The following VAMP4 variants were observed in gnomAD, a reference collection of about 807,000 sequenced individuals.
VAMP4 encodes vesicle-associated membrane protein 4.
In VAMP4, 19 loss-of-function variants were observed where a neutral mutation model predicts 23.5. That is an observed-to-expected ratio of 0.81 (90% CI 0.56 to 1.19). The LOEUF is 1.19. Among genes scored for constraint, VAMP4 ranks in the 50% most tolerant of loss-of-function variants. The pLI is 0.00. For missense variants in VAMP4, 145 were observed against 168.6 expected, an observed-to-expected ratio of 0.86 and a Z score of 0.78; for synonymous variants, 31 against 51.0, an observed-to-expected ratio of 0.61 and a Z score of 1.67.
At chr1:171,717,996 T>C (rs573523150) in intron 4 of VAMP4, among the ~76,000 whole-genome samples, 1 of 152,242 alleles carries the variant, frequency 6.6e-6, no homozygotes, top group East Asian at 1.9e-4. Context: ...GATACCCTGA[T>C]TGCCATCTTG....
chr1:171,740,830 A>C (rs2124874919), intron 1 of VAMP4, among the ~76,000 whole-genome samples: 1 of 152,362 alleles, frequency 6.6e-6, no homozygotes, highest in African/African-American at 2.4e-5. Context: ...AAGGATGAGC[A>C]AACACCATAT....
rs1654479917 is a variant in VAMP4 at position 171,702,399 on chromosome 1, C to CTGTT, written c.*2103_*2106dup. On this transcript the variant is annotated 3_prime_UTR_variant, in exon 8 of 8. Transcript: ENST00000236192. ...ACATATATATTGTCAAAAAATTTTA[C>CTGTT]TGTTACTTATTATTTAAATTTAAAA... is the stretch of plus-strand genomic sequence containing the variant. The CTGTT allele has an allele frequency of 2.0e-5, 3 of 151,804 alleles. No individual in the cohort carries two copies. Among genetic ancestry groups the CTGTT allele is most frequent in the Admixed American group, 2.0e-4 (3 of 15,222 alleles). 9.4% of individuals were successfully genotyped at this position (151,804 alleles called of 1,614,324 possible). A position where few individuals can be genotyped will look rare whatever the true frequency, so the allele number is the denominator to read the frequency against.
chr1:171,718,335 G>A (rs568477219), intron 4 of VAMP4, among the ~76,000 whole-genome samples: 234 of 152,210 alleles, frequency 1.5e-3, no homozygotes, highest in African/African-American at 5.3e-3. Flanking sequence ...CCCAGGCTTA[G>A]GGTAGTGACT....
At chr1:171,741,101 A>C (rs1304220778) in intron 1 of VAMP4, among the ~76,000 whole-genome samples, 3 of 152,270 alleles carry the variant, frequency 2.0e-5, no homozygotes, top group Admixed American at 2.0e-4. Context: ...TAAGAGAGCC[A>C]TCATGTACTT....
intron 3 of VAMP4, among the ~76,000 whole-genome samples, chr1:171,728,179 G>A (rs930425860): frequency 3.3e-5 from 5 of 152,230 alleles, no homozygotes; most frequent in East Asian, 1.9e-4. Context: ...ACATTGCCCC[G>A]CTTTGTCCCA....
At chr1:171,732,216 G>C (rs981169045) in intron 2 of VAMP4, among the ~76,000 whole-genome samples, 1 of 151,996 alleles carries the variant, frequency 6.6e-6, no homozygotes, top group South Asian at 2.1e-4. Flanking sequence ...GATGGAAAAA[G>C]GAAGTTTTAA....
chr1:171,722,548 G>T (rs1463707728), intron 3 of VAMP4, among the ~76,000 whole-genome samples: 2 of 152,000 alleles, frequency 1.3e-5, no homozygotes, highest in African/African-American at 4.8e-5. Context: ...AGAACGTAAA[G>T]AAATTTACAA....
At chr1:171,713,289 C>CT (rs111615016) in intron 4 of VAMP4, among the ~76,000 whole-genome samples, 34 of 147,516 alleles carry the variant, frequency 2.3e-4, no homozygotes, top group Admixed American at 1.0e-3. Flanking sequence ...TCCCAGCCAG[C>CT]TTTTTTTTTT....
intron 2 of VAMP4, among the ~76,000 whole-genome samples, chr1:171,731,629 A>C (rs1323823353): frequency 1.3e-5 from 2 of 152,218 alleles, no homozygotes; most frequent in African/African-American, 4.8e-5. Context: ...TGGCTGGCAC[A>C]GAAAAAGTCC....
At chr1:171,719,977 G>T (rs537561169) in intron 3 of VAMP4, among the ~76,000 whole-genome samples, 1 of 151,594 alleles carries the variant, frequency 6.6e-6, no homozygotes, top group East Asian at 1.9e-4. Flanking sequence ...TTCTAGACAT[G>T]GCAATTTCTA....
At chr1:171,736,648 AAAAACAAAACAAAAC>A (rs59682689) in intron 2 of VAMP4, among the ~76,000 whole-genome samples, 25,944 of 149,982 alleles carry the variant, frequency 0.17, 2,328 homozygotes, top group Middle Eastern at 0.25. Context: ...TTCCCCATTA[AAAAACAAAACAAAAC>A]AAAACAAAAC....
At chr1:171,717,891 C>A (rs1336960004) in intron 4 of VAMP4, among the ~76,000 whole-genome samples, 5 of 152,100 alleles carry the variant, frequency 3.3e-5, no homozygotes, top group African/African-American at 9.7e-5. Context: ...TGAAACAGTA[C>A]AGATTCTCTC....
intron 2 of VAMP4, among the ~76,000 whole-genome samples, chr1:171,734,974 G>A (rs1248057076): frequency 6.6e-6 from 1 of 152,060 alleles, no homozygotes; most frequent in Non-Finnish European, 1.5e-5. Context: ...CTTGTTATTA[G>A]GGTGGGCTTT....
intron 4 of VAMP4, among the ~76,000 whole-genome samples, chr1:171,716,949 A>G (rs1318625742): frequency 6.6e-6 from 1 of 152,200 alleles, no homozygotes; most frequent in Non-Finnish European, 1.5e-5. Flanking sequence ...ACAATCCCTT[A>G]CTATTCTAAA....
intron 3 of VAMP4, among the ~76,000 whole-genome samples, chr1:171,724,943 A>T (rs1655319276): frequency 6.6e-6 from 1 of 152,188 alleles, no homozygotes; most frequent in Non-Finnish European, 1.5e-5. Flanking sequence ...AAATATATAT[A>T]ACATATATTT....
intron 5 of VAMP4, 70 bp from the exon 6 acceptor site, chr1:171,709,814 G>T: frequency 8.2e-7 from 1 of 1,221,226 alleles, no homozygotes; most frequent in Non-Finnish European, 1.2e-6. Flanking sequence ...GTCACACAAA[G>T]ATAAGAAAAT....
chr1:171,721,484 T>G (rs1655194266), intron 3 of VAMP4, among the ~76,000 whole-genome samples: 1 of 152,218 alleles, frequency 6.6e-6, no homozygotes, highest in African/African-American at 2.4e-5. Flanking sequence ...TACAAAATGA[T>G]ATTTATACTA....
chr1:171,721,505 T>C lies in VAMP4; in HGVS notation c.114-2284A>G, dbSNP rs1310522233. On this transcript the variant is annotated intron_variant, in intron 3 of 7. Transcript: ENST00000236192. ...ATGATATTTATACTAGCAATAAGTA[T>C]GACATTTTAAAATTTTGAAACACCA... Among the ~76,000 whole-genome samples the C allele has an allele frequency of 1.1e-3, 172 of 152,306 alleles. 1 individual carries two copies. Among genetic ancestry groups the C allele is most frequent in the Non-Finnish European group, 2.4e-4 (16 of 68,020 alleles).
chr1:171,720,381 A>C (rs1250738703), intron 3 of VAMP4, among the ~76,000 whole-genome samples: 1 of 152,054 alleles, frequency 6.6e-6, no homozygotes, highest in Non-Finnish European at 1.5e-5. Flanking sequence ...AGCAGGAGCT[A>C]TGTCTGTTTC....
Sources: allele counts gnomAD v4.1 joint callset (sites outside exome capture counted in the v4.1 genomes callset), GRCh38; gene constraint gnomAD v4.1.1; transcripts MANE v1.5; gene names NCBI Gene and HGNC (gene_info 2026-07-23, HGNC 2026-07-21).